ARMC1: variants seen among roughly 807,000 people sequenced by gnomAD.
The protein encoded by ARMC1 is armadillo repeat-containing protein 1.
A neutral mutation model predicts 31.4 loss-of-function variants in ARMC1; 16 were observed. The ratio of observed to expected loss-of-function variants is 0.51; its 90% CI spans 0.34 to 0.77. The LOEUF (loss-of-function observed/expected upper bound fraction) is 0.77, where lower values mean the gene tolerates loss of function less well. Among genes scored for constraint, ARMC1 ranks in the 30% least tolerant of loss-of-function variants. ARMC1 has a pLI of 0.01. For synonymous variants in ARMC1, 114 were observed against 118.9 expected, an observed-to-expected ratio of 0.96 and a Z score of 0.27; for missense variants, 259 against 347.5, an observed-to-expected ratio of 0.75 and a Z score of 2.02.
intron 3 of ARMC1, among the ~76,000 whole-genome samples, chr8:65,613,634 G>A (rs1305414634): frequency 6.6e-6 from 1 of 152,112 alleles, no homozygotes; most frequent in Non-Finnish European, 1.5e-5. Flanking sequence ...TTAAACCCGT[G>A]GCTCATTGAG....
intron 4 of ARMC1, among the ~76,000 whole-genome samples, chr8:65,612,018 C>T (rs1808153317): frequency 6.6e-6 from 1 of 152,140 alleles, no homozygotes; most frequent in Admixed American, 6.6e-5. Context: ...GATCCATCCG[C>T]CTTGGCCTCC....
At chr8:65,615,651 G>A (rs566107198) in intron 3 of ARMC1, among the ~76,000 whole-genome samples, 13 of 152,184 alleles carry the variant, frequency 8.5e-5, no homozygotes, top group South Asian at 4.2e-4. Context: ...AGGTTGCAGC[G>A]AGCCAAGATC....
chr8:65,619,977 CA>C (rs530126937), intron 3 of ARMC1, among the ~76,000 whole-genome samples: 6,270 of 94,408 alleles, frequency 0.066, 157 homozygotes, highest in Non-Finnish European at 0.09. Context: ...GGATGAGACT[CA>C]AAAAAAAAAA....
chr8:65,617,685 G>A (rs935830083), intron 3 of ARMC1, among the ~76,000 whole-genome samples: 1 of 151,782 alleles, frequency 6.6e-6, no homozygotes, highest in Non-Finnish European at 1.5e-5. Flanking sequence ...CACTGGGAAC[G>A]ACTAGACAGG....
intron 3 of ARMC1, among the ~76,000 whole-genome samples, chr8:65,618,398 T>C (rs974738047): frequency 6.6e-6 from 1 of 151,324 alleles, no homozygotes; most frequent in Non-Finnish European, 1.5e-5. Flanking sequence ...GGCGGGCGCC[T>C]GTAGTCCCAG....
intron 2 of ARMC1, among the ~76,000 whole-genome samples, chr8:65,624,609 T>C (rs1349647182): frequency 2.0e-5 from 3 of 151,850 alleles, no homozygotes; most frequent in East Asian, 3.9e-4. Context: ...AAGTAAAATG[T>C]ATGACAAAAA....
At position 65,602,929 on chromosome 8, in the gene ARMC1, G is replaced by A. The variant is rs1807924351; in HGVS notation, c.*1465C>T. The A allele has an allele frequency of 6.6e-6, 1 of 151,722 alleles. No homozygotes were observed. Among genetic ancestry groups the A allele is most frequent in the East Asian group, 1.9e-4 (1 of 5,184 alleles). 9.4% of individuals were successfully genotyped at this position (151,722 alleles called of 1,614,324 possible). Reference sequence around the variant, plus strand: ...CCCCCATTAACTCTCTCTCCAGAAGGTGACAATGTTAGTGAACTCAAGACT... The same window carrying A: ...CCCCCATTAACTCTCTCTCCAGAAGATGACAATGTTAGTGAACTCAAGACT... On this transcript the variant is annotated 3_prime_UTR_variant, in exon 7 of 7. Coordinates refer to ENST00000276569, the MANE Select transcript of ARMC1 (RefSeq NM_018120.6).
intron 1 of ARMC1, among the ~76,000 whole-genome samples, chr8:65,631,485 C>T (rs1049269720): frequency 6.6e-6 from 1 of 152,164 alleles, no homozygotes; most frequent in Non-Finnish European, 1.5e-5. Flanking sequence ...CCACCCTCCT[C>T]GGCCTCCCAA....
At chr8:65,613,136 A>T in intron 4 of ARMC1, 108 bp downstream of exon 4, 1 of 873,436 alleles carries the variant, frequency 1.1e-6, no homozygotes, top group Non-Finnish European at 1.7e-6. Flanking sequence ...GACCCTTTTT[A>T]TCAGTAAAAT....
At chr8:65,608,314 G>A (rs1006662603) in intron 4 of ARMC1, among the ~76,000 whole-genome samples, 1 of 152,148 alleles carries the variant, frequency 6.6e-6, no homozygotes, top group Admixed American at 6.5e-5. Context: ...ATCACCTGAG[G>A]TCAGGAGTTC....
rs1014998620 is a variant in ARMC1, at chr8:65,630,093, C to T, written c.-35-2660G>A. ...TCGGGAGGTGGAGGTTGCAGTGAGC[C>T]GAGATTGTGCCACTGCACTCCAGCC... On this transcript the variant is annotated intron_variant, in intron 1 of 6. Transcript: ENST00000276569. Among the ~76,000 whole-genome samples the T allele has an allele frequency of 5.3e-5, 8 of 152,020 alleles. No homozygotes were observed. The East Asian group carries it at 9.7e-4, about 18-fold the overall frequency.
At position 65,604,599 on chromosome 8, in the gene ARMC1, T is replaced by C. The variant is rs765104254; in HGVS notation, c.658-14A>G. On this transcript the variant is annotated splice_polypyrimidine_tract_variant and intron_variant, in intron 6 of 6. Transcript: ENST00000276569. Reference sequence around the variant, plus strand: ...TGGGACCAACATCTGATACAGAAAATATTGAGAGTTATTACAAAATCAACT... The same window carrying C: ...TGGGACCAACATCTGATACAGAAAACATTGAGAGTTATTACAAAATCAACT... 3.1e-6 allele frequency: 5 copies of C among 1,606,006 alleles called. No individual in the cohort carries two copies. Among genetic ancestry groups the C allele is most frequent in the Middle Eastern group, 1.7e-4 (1 of 6,054 alleles).
In ARMC1 at chr8:65,622,325, T is replaced by C. The variant is rs1808411197; in HGVS notation, c.213A>G (p.Ala71=). The C allele has an allele frequency of 1.2e-6, 2 of 1,614,052 alleles. No homozygotes were observed. Among genetic ancestry groups the C allele is most frequent in the African/African-American group, 2.7e-5 (2 of 74,960 alleles). Residue 71 remains alanine, a synonymous_variant, in exon 3 of 7, where the codon GCA becomes GCG. Transcript: ENST00000276569. Reference sequence around the variant, plus strand: ...GTTCTCCTTTCATCTTTTCTCTGTTTGCACGGCATTCTGCCAAGTATCGAA... The same window carrying C: ...GTTCTCCTTTCATCTTTTCTCTGTTCGCACGGCATTCTGCCAAGTATCGAA... ...LALRYLAECR[A]NREKMKGELG...
intron 3 of ARMC1, among the ~76,000 whole-genome samples, chr8:65,620,039 A>G (rs1808359769): frequency 6.6e-6 from 1 of 151,410 alleles, no homozygotes; most frequent in African/African-American, 2.4e-5. Context: ...TCAGGAGGCT[A>G]AGGCAGGAGG....
chr8:65,606,407 A>G (rs1808006769), intron 4 of ARMC1, among the ~76,000 whole-genome samples: 1 of 152,022 alleles, frequency 6.6e-6, no homozygotes, highest in East Asian at 1.9e-4. Context: ...TGATCCACAC[A>G]CTAGCCTAAA....
chr8:65,629,970 C>A (rs781625349), intron 1 of ARMC1, among the ~76,000 whole-genome samples: 3 of 151,888 alleles, frequency 2.0e-5, no homozygotes, highest in Non-Finnish European at 4.4e-5. Flanking sequence ...TATGGTGAAA[C>A]GTCATCTCTA....
At position 65,603,570 on chromosome 8, in the gene ARMC1, G is replaced by A. The variant is rs1807938841; in HGVS notation, c.*824C>T. 1 of 152,070 alleles carries A rather than the reference G, an allele frequency of 6.6e-6. No homozygotes were observed. The highest frequency in any genetic ancestry group is 2.4e-5 in the African/African-American group (1 of 41,384). The allele number at this position is 152,070 out of a possible 1,614,324, so 9.4% of individuals were successfully genotyped here. ...GCCGGAGATAACGTATAATCACAAA[G>A]TAAGGCCTAGAGACCATTTATAGTT... On this transcript the variant is annotated 3_prime_UTR_variant, in exon 7 of 7. Coordinates refer to ENST00000276569, the MANE Select transcript of ARMC1 (RefSeq NM_018120.6).
At chr8:65,623,546 T>G (rs1283449592) in intron 2 of ARMC1, among the ~76,000 whole-genome samples, 4 of 150,046 alleles carry the variant, frequency 2.7e-5, no homozygotes, top group African/African-American at 7.4e-5. Context: ...GAGGCGGAGG[T>G]TGCAGTGAGC....
At chr8:65,623,035 C>T (rs1450717939) in intron 2 of ARMC1, among the ~76,000 whole-genome samples, 1 of 149,630 alleles carries the variant, frequency 6.7e-6, no homozygotes, top group African/African-American at 2.5e-5. Context: ...AAAGGCTGGG[C>T]GCAGTGGCTC....
Sources: allele counts gnomAD v4.1 joint callset (sites outside exome capture counted in the v4.1 genomes callset), GRCh38; gene constraint gnomAD v4.1.1; transcripts MANE v1.5; gene names NCBI Gene and HGNC (gene_info 2026-07-23, HGNC 2026-07-21).